Variants in SRA1 observed in about 807,000 individuals in gnomAD.
The protein encoded by SRA1 is steroid receptor RNA activator 1, also known as lncRNA SRA.
Under a neutral mutation model 24.3 loss-of-function variants are expected in SRA1, and 25 were observed. That is an observed-to-expected ratio of 1.03 (90% confidence interval 0.75 to 1.43). SRA1 has a LOEUF of 1.43. SRA1 is among the 40% of genes most tolerant of loss of function. The pLI, the probability that SRA1 is intolerant of heterozygous loss-of-function variation, is 0.00. For missense variants in SRA1, 303 were observed against 286.6 expected, an observed-to-expected ratio of 1.06 and a Z score of -0.41; for synonymous variants, 104 against 109.5, an observed-to-expected ratio of 0.95 and a Z score of 0.31.
chr5:140,557,245 G>A lies in SRA1; in HGVS notation c.53C>T (p.Pro18Leu). 2 of 1,612,728 alleles carry A rather than the reference G, an allele frequency of 1.2e-6. No homozygotes were observed. Among genetic ancestry groups the A allele is most frequent in the Middle Eastern group, 3.3e-4 (2 of 6,060 alleles). The change falls in exon 2 of 5, where the codon CCG becomes CTG. Residue 18 changes from proline to leucine, a missense_variant. By Grantham distance (98) the Pro-to-Leu change is moderately conservative. Transcript: ENST00000336283. ...CTGCAGCCCGTATGAGAACTGCGGC[G>A]GGTCGTTCCAGCCGCGTTCCTTGTT... The part of the protein sequence containing the change: ...PGNKERGWND[P>L]PQFSYGLQTQ...
In SRA1 at chr5:140,550,439, G is replaced by C. The variant is rs1031117973; in HGVS notation, c.*261C>G. The C allele has an allele frequency of 3.7e-6, 2 of 538,686 alleles. No homozygotes were observed. Among genetic ancestry groups the C allele is most frequent in the African/African-American group, 3.8e-5 (2 of 52,800 alleles). 33.4% of individuals were successfully genotyped at this position (538,686 alleles called of 1,614,324 possible). A position where few individuals can be genotyped will look rare whatever the true frequency, so the allele number is the denominator to read the frequency against. On this transcript the variant is annotated 3_prime_UTR_variant, in exon 5 of 5. Coordinates refer to ENST00000336283, the MANE Select transcript of SRA1 (RefSeq NM_001035235.4). ...GAGGTTTGCAGATACACAGGGAGCA[G>C]GGCAGTCGAGGACACCAGAGGGGAC...
intron 1 of SRA1, 64 bp from the exon 2 acceptor site, chr5:140,557,336 G>C (rs35999684): frequency 1.2e-6 from 2 of 1,604,494 alleles, no homozygotes; most frequent in Non-Finnish European, 8.5e-7. Context: ...ACTGGGGCTG[G>C]GGGAGACAGA....
At position 140,551,973 on chromosome 5, in the gene SRA1, A is replaced by C; in HGVS notation, c.354+9T>G. 1 of 1,613,096 alleles carries C rather than the reference A, an allele frequency of 6.2e-7. No homozygotes were observed. Among genetic ancestry groups the C allele is most frequent in the Non-Finnish European group, 8.5e-7 (1 of 1,179,390 alleles). ...AGCCCTCTCTAACCTCTGATGTGCC[A>C]GAGCTTACCCTTGTGTGGCCACGGC... On this transcript the variant is annotated intron_variant, in intron 3 of 4. Coordinates refer to ENST00000336283, the MANE Select transcript of SRA1 (RefSeq NM_001035235.4).
Position 140,557,462 on chromosome 5 carries a change from C to T in SRA1, c.-10G>A. ...CGTACAGCTCCGCCATCTCCACTTC[C>T]GCTTGGCCAGCGGGGCAGCGCGTCA... On this transcript the variant is annotated 5_prime_UTR_variant, in exon 1 of 5. Transcript: ENST00000336283. 6.4e-7 allele frequency: 1 copy of T among 1,556,420 alleles called. No homozygotes were observed. The highest frequency in any genetic ancestry group is 8.7e-7 in the Non-Finnish European group (1 of 1,151,750).
At chr5:140,554,469 C>G (rs1329325828) in intron 2 of SRA1, among the ~76,000 whole-genome samples, 1 of 152,200 alleles carries the variant, frequency 6.6e-6, no homozygotes, top group Non-Finnish European at 1.5e-5. Context: ...AACCCACCTG[C>G]ATCTGTGGCC....
chr5:140,552,146 C>T lies in SRA1; in HGVS notation c.190G>A (p.Gly64Arg). ...SETSPGPPPMGPPPPSSKAPR... is the reference protein window; with the variant it reads ...SETSPGPPPMRPPPPSSKAPR... ...GCCTTACTTGAAGGAGGTGGAGGCC[C>T]CATTGGGGGAGGCCCAGGAGAAGTC... The change falls in exon 3 of 5, where the codon GGG (glycine) becomes AGG (arginine). Residue 64 changes from glycine (G) to arginine (R), a missense_variant. Coordinates refer to ENST00000336283, the MANE Select transcript of SRA1 (RefSeq NM_001035235.4). The T allele has an allele frequency of 6.2e-7, 1 of 1,609,830 alleles. No homozygotes were observed. The highest frequency in any genetic ancestry group is 8.5e-7 in the Non-Finnish European group (1 of 1,178,120).
chr5:140,551,006 A>G, intron 4 of SRA1, 55 bp downstream of exon 4: 6 of 1,578,548 alleles, frequency 3.8e-6, no homozygotes, highest in African/African-American at 1.3e-5. Context: ...CTGCTCCAGC[A>G]TAGCCAACCA....
chr5:140,551,490 CAGA>C (rs1339986875), intron 3 of SRA1: 62 of 290,280 alleles, frequency 2.1e-4, no homozygotes, highest in African/African-American at 1.2e-3. Flanking sequence ...CTCAGACTCT[CAGA>C]AGCTCATCCT....
intron 2 of SRA1, among the ~76,000 whole-genome samples, chr5:140,553,315 A>G (rs1490759538): frequency 2.0e-5 from 3 of 152,282 alleles, no homozygotes; most frequent in Middle Eastern, 3.4e-3. Flanking sequence ...CTTAAAAAAA[A>G]AAAAAAAAGA....
rs186738049 is a variant in SRA1 at position 140,550,237 on chromosome 5, G to C, written c.*463C>G. 1 of 190,050 alleles carries C rather than the reference G, an allele frequency of 5.3e-6. No individual in the cohort carries two copies. Among genetic ancestry groups the C allele is most frequent in the African/African-American group, 2.3e-5 (1 of 42,620 alleles). The allele number at this position is 190,050 out of a possible 1,614,324, so 11.8% of individuals were successfully genotyped here. ...AAATAGGACTGTCTTTCCTTTTGTTGAGGGAAAAGTCTCCCCGTTCTATTT... is the reference window on the plus strand; with the variant it reads ...AAATAGGACTGTCTTTCCTTTTGTTCAGGGAAAAGTCTCCCCGTTCTATTT... On this transcript the variant is annotated 3_prime_UTR_variant, in exon 5 of 5. Transcript: ENST00000336283.
At chr5:140,552,424 A>G (rs1190723048) in intron 2 of SRA1, among the ~76,000 whole-genome samples, 2 of 152,176 alleles carry the variant, frequency 1.3e-5, no homozygotes, top group Non-Finnish European at 2.9e-5. Context: ...AGGCTGAGGC[A>G]GACAGATCAC....
In SRA1 at chr5:140,550,461, G is replaced by C; in HGVS notation, c.*239C>G. 1 of 574,210 alleles carries C rather than the reference G, an allele frequency of 1.7e-6. No individual in the cohort carries two copies. The highest frequency in any genetic ancestry group is 2.0e-5 in the South Asian group (1 of 48,868). 35.6% of individuals were successfully genotyped at this position (574,210 alleles called of 1,614,324 possible). On this transcript the variant is annotated 3_prime_UTR_variant, in exon 5 of 5. Transcript: ENST00000336283. ...GCAGGGCAGTCGAGGACACCAGAGG[G>C]GACTAGCTTGGCACCGGAAGGGTTC...
chr5:140,553,880 G>A (rs922772340), intron 2 of SRA1, among the ~76,000 whole-genome samples: 27 of 152,174 alleles, frequency 1.8e-4, no homozygotes, highest in African/African-American at 6.0e-4. Context: ...GAAGAGAGAA[G>A]TCAAGGTGAC....
At chr5:140,552,213 A>G (rs1001155927) in intron 2 of SRA1, 29 bp from the exon 3 acceptor site, 40 of 1,485,860 alleles carry the variant, frequency 2.7e-5, no homozygotes, top group Non-Finnish European at 3.4e-5. Flanking sequence ...ATCAAGCAAC[A>G]TGGCTTAAAT....
At chr5:140,552,926 G>A (rs1005581426) in intron 2 of SRA1, among the ~76,000 whole-genome samples, 1 of 151,908 alleles carries the variant, frequency 6.6e-6, no homozygotes, top group Non-Finnish European at 1.5e-5. Flanking sequence ...CTAGAGGCAG[G>A]GAAAAAAACA....
rs201013103 is a variant in SRA1 at position 140,557,100 on chromosome 5, C to G, written c.151+47G>C. On this transcript the variant is annotated intron_variant, in intron 2 of 4. Coordinates refer to ENST00000336283, the MANE Select transcript of SRA1 (RefSeq NM_001035235.4). Reference sequence around the variant, plus strand: ...CAAACAGGCTTATGCCTTACACCCCCCCCCCCCCATTCTCCGTCTGTCTCC... The same window carrying G: ...CAAACAGGCTTATGCCTTACACCCCGCCCCCCCCATTCTCCGTCTGTCTCC... 2.4e-5 allele frequency: 27 copies of G among 1,139,612 alleles called. 1 individual carries two copies. Among genetic ancestry groups the G allele is most frequent in the Middle Eastern group, 2.0e-4 (1 of 4,996 alleles). 70.6% of individuals were successfully genotyped at this position (1,139,612 alleles called of 1,614,324 possible).
chr5:140,550,634 G>A lies in SRA1; in HGVS notation c.*66C>T. The A allele has an allele frequency of 6.6e-7, 1 of 1,508,320 alleles. No homozygotes were observed. The allele number at this position is 1,508,320 out of a possible 1,614,324, so 93.4% of individuals were successfully genotyped here. ...GACAGTCTTGGTGGTGGTAAGAAGG[G>A]AGCCAAGTGACAGAAGGTCTCCAAG... On this transcript the variant is annotated 3_prime_UTR_variant, in exon 5 of 5. Coordinates refer to ENST00000336283, the MANE Select transcript of SRA1 (RefSeq NM_001035235.4).
chr5:140,553,440 C>T (rs977036306), intron 2 of SRA1, among the ~76,000 whole-genome samples: 7 of 152,078 alleles, frequency 4.6e-5, no homozygotes, highest in Admixed American at 2.6e-4. Flanking sequence ...TGTACTAGGT[C>T]GAGGTTAGAG....
At position 140,550,902 on chromosome 5, in the gene SRA1, C is replaced by T. The variant is rs1754535657; in HGVS notation, c.473G>A (p.Ser158Asn). The T allele has an allele frequency of 6.2e-7, 1 of 1,614,000 alleles. No homozygotes were observed. The highest frequency in any genetic ancestry group is 1.7e-5 in the Admixed American group (1 of 60,002). ...GTCATCTGCTGCGTCCCACCGGTGG[C>T]TTGAAAGCTCTGAAGAGAGACGGGG... ...RMALLVQELS[S>N]HRWDAADDIH... The change falls in exon 5 of 5, where the codon AGC (serine) becomes AAC (asparagine). Residue 158 changes from serine (S) to asparagine (N), a missense_variant. Ser to Asn is a conservative substitution (Grantham distance 46). Coordinates refer to ENST00000336283, the MANE Select transcript of SRA1 (RefSeq NM_001035235.4).
Sources: gnomAD v4.1 joint callset for allele counts (sites outside exome capture counted in the v4.1 genomes callset) on GRCh38, gnomAD v4.1.1 for gene constraint, MANE v1.5 for transcripts, NCBI Gene and HGNC (gene_info 2026-07-23, HGNC 2026-07-21) for gene names.